The following IZUMO1R variants were observed in gnomAD, a reference collection of about 807,000 sequenced individuals.
The protein encoded by IZUMO1R is IZUMO1 receptor, JUNO.
Under a neutral mutation model 22.1 loss-of-function variants are expected in IZUMO1R, and 24 were observed. The observed-to-expected ratio is 1.09, with a 90% CI of 0.79 to 1.53. The LOEUF is 1.53. Among genes scored for constraint, IZUMO1R ranks in the 40% most tolerant of loss-of-function variants. The pLI is 0.00. For missense variants in IZUMO1R, 308 were observed against 314.9 expected (o/e 0.98, Z 0.17); for synonymous variants, 133 against 121.2 (o/e 1.10, Z -0.64).
At chr11:94,306,166 C>A (rs1361648814) in intron 2 of IZUMO1R, among the ~76,000 whole-genome samples, 2 of 151,922 alleles carry the variant, frequency 1.3e-5, no homozygotes, top group African/African-American at 4.8e-5. Flanking sequence ...CCTATGAGAC[C>A]CTCCCACCCA....
Position 94,307,788 on chromosome 11 carries a change from GCA to G in IZUMO1R, c.*97_*98del. ...TCCTTCCTCAGGCCCTCCCCTAAAA[GCA>G]GTGGCATGGGCTAGGGACTGCAGTC... is the stretch of plus-strand genomic sequence containing the variant. On this transcript the variant is annotated 3_prime_UTR_variant, in exon 5 of 5. Coordinates refer to ENST00000687084, the MANE Select transcript of IZUMO1R (RefSeq NM_001199206.4). The G allele has an allele frequency of 7.6e-7, 1 of 1,324,206 alleles. No homozygotes were observed. The highest frequency in any genetic ancestry group is 1.0e-6 in the Non-Finnish European group (1 of 955,168). 82.0% of individuals were successfully genotyped at this position (1,324,206 alleles called of 1,614,324 possible). A position where few individuals can be genotyped will look rare whatever the true frequency, so the allele number is the denominator to read the frequency against.
rs1363310640 is a variant in IZUMO1R at position 94,307,160 on chromosome 11, C to T, written c.349-5C>T. 2.5e-6 allele frequency: 4 copies of T among 1,590,056 alleles called. No homozygotes were observed. Among genetic ancestry groups the T allele is most frequent in the South Asian group, 2.3e-5 (2 of 87,270 alleles). ...GTTCTAATCTCTGGCTATGACTGCA[C>T]CCAGGTGGCCCCGAGTGGGCAGGGA... On this transcript the variant is annotated splice_polypyrimidine_tract_variant and splice_region_variant and intron_variant, in intron 3 of 4. Transcript: ENST00000687084.
chr11:94,306,825 G>A (rs146101586), intron 3 of IZUMO1R, 103 bp downstream of exon 3: 469 of 1,189,884 alleles, frequency 3.9e-4, no homozygotes, highest in Non-Finnish European at 5.3e-4. Context: ...AACAGGAGGT[G>A]TTATTTCCCT....
Position 94,305,625 on chromosome 11 carries a change from C to A in IZUMO1R, c.-6-6C>A. The A allele has an allele frequency of 1.2e-6, 2 of 1,612,232 alleles. No homozygotes were observed. The highest frequency in any genetic ancestry group is 1.1e-5 in the South Asian group (1 of 90,884). On this transcript the variant is annotated splice_region_variant and splice_polypyrimidine_tract_variant and intron_variant, in intron 1 of 4. Coordinates refer to ENST00000687084, the MANE Select transcript of IZUMO1R (RefSeq NM_001199206.4). ...CATCAAGTGTGCAGCATGGGTCTCTCTGTAGCAGGCCATGGCATGCTGGTG... is the reference window on the plus strand; with the variant it reads ...CATCAAGTGTGCAGCATGGGTCTCTATGTAGCAGGCCATGGCATGCTGGTG...
In IZUMO1R at chr11:94,304,750, T is replaced by G. The variant is rs72976445; in HGVS notation, c.-136T>G. Among the ~76,000 whole-genome samples, 1 of 151,708 alleles carries G rather than the reference T, an allele frequency of 6.6e-6. No individual in the cohort carries two copies. Among genetic ancestry groups the G allele is most frequent in the Non-Finnish European group, 1.5e-5 (1 of 67,874 alleles). On this transcript the variant is annotated 5_prime_UTR_variant, in exon 1 of 5. Transcript: ENST00000687084. ...GCTGTTTAATGAGAGCCACGTGGAG[T>G]TCTCCTCCTGCACCTGGACCTAGTA... is the stretch of plus-strand genomic sequence containing the variant.
At chr11:94,307,135 G>T in intron 3 of IZUMO1R, 30 bp from the exon 4 acceptor site, 1 of 1,573,248 alleles carries the variant, frequency 6.4e-7, no homozygotes, top group African/African-American at 1.3e-5. Flanking sequence ...TGCTATTAAT[G>T]TTCTAATCTC....
chr11:94,307,632 A>T lies in IZUMO1R; in HGVS notation c.693A>T (p.Pro231=), dbSNP rs761048031. Reference sequence around the variant, plus strand: ...CCCGCCTCTTCGCCAGCTCTGCCCCATCCTGGGAACTGTCCTACACCATCA... The same window carrying T: ...CCCGCCTCTTCGCCAGCTCTGCCCCTTCCTGGGAACTGTCCTACACCATCA... ...AVARLFASSA[P]SWELSYTIMV... Residue 231 remains proline (P), a synonymous_variant, in exon 5 of 5, where the codon CCA becomes CCT. Coordinates refer to ENST00000687084, the MANE Select transcript of IZUMO1R (RefSeq NM_001199206.4). The T allele has an allele frequency of 4.8e-5, 78 of 1,613,624 alleles. No individual in the cohort carries two copies. The highest frequency in any genetic ancestry group is 6.4e-5 in the Non-Finnish European group (75 of 1,179,784).
At position 94,307,789 on chromosome 11, in the gene IZUMO1R, C is replaced by G; in HGVS notation, c.*97C>G. On this transcript the variant is annotated 3_prime_UTR_variant, in exon 5 of 5. Coordinates refer to ENST00000687084, the MANE Select transcript of IZUMO1R (RefSeq NM_001199206.4). ...CCTTCCTCAGGCCCTCCCCTAAAAGCAGTGGCATGGGCTAGGGACTGCAGT... is the reference window on the plus strand; with the variant it reads ...CCTTCCTCAGGCCCTCCCCTAAAAGGAGTGGCATGGGCTAGGGACTGCAGT... 7.7e-7 allele frequency: 1 copy of G among 1,291,446 alleles called. No homozygotes were observed. The highest frequency in any genetic ancestry group is 1.5e-5 in the African/African-American group (1 of 65,074). The allele number at this position is 1,291,446 out of a possible 1,614,324, so 80.0% of individuals were successfully genotyped here.
At chr11:94,305,166 G>C (rs886770712) in intron 1 of IZUMO1R, among the ~76,000 whole-genome samples, 1 of 152,082 alleles carries the variant, frequency 6.6e-6, no homozygotes, top group Non-Finnish European at 1.5e-5. Flanking sequence ...GGAGCCATGG[G>C]CTCCTGGGCT....
At chr11:94,306,442 C>T in intron 2 of IZUMO1R, 71 bp from the exon 3 acceptor site, 1 of 1,451,522 alleles carries the variant, frequency 6.9e-7, no homozygotes. Context: ...ATTTCACCAC[C>T]TTTCTTCCCT....
Position 94,305,878 on chromosome 11 carries a change from G to A in IZUMO1R, c.138+104G>A, listed in dbSNP as rs541948365. The A allele has an allele frequency of 1.2e-4, 169 of 1,354,580 alleles. 2 individuals are homozygous for A. The South Asian group carries it at 1.5e-3, about 12-fold the overall frequency. 83.9% of individuals were successfully genotyped at this position (1,354,580 alleles called of 1,614,324 possible). ...TCAACCCTGATCATTTGGTTCCTGG[G>A]GTTAGGAGTTAAGCAAAGGCAACTA... is the stretch of plus-strand genomic sequence containing the variant. On this transcript the variant is annotated intron_variant, in intron 2 of 4. Transcript: ENST00000687084.
rs370423934 is a variant in IZUMO1R at position 94,306,544 on chromosome 11, C to G, written c.170C>G (p.Thr57Ser). The G allele has an allele frequency of 1.2e-6, 2 of 1,613,828 alleles. No homozygotes were observed. The highest frequency in any genetic ancestry group is 2.7e-5 in the African/African-American group (2 of 74,918). ...CCCTGGAAGGACAATGCCTGCTGCACCCTCACGACAAGCTGGGAAGCCCAT... is the reference window on the plus strand; with the variant it reads ...CCCTGGAAGGACAATGCCTGCTGCAGCCTCACGACAAGCTGGGAAGCCCAT... Reference protein sequence around the residue: ...CIPWKDNACCTLTTSWEAHLD... With the variant: ...CIPWKDNACCSLTTSWEAHLD... Residue 57 changes from threonine (T) to serine (S), a missense_variant, in exon 3 of 5, where the codon ACC becomes AGC. Physicochemically the swap from Thr to Ser is moderately conservative, Grantham distance 58 (BLOSUM62 1). Transcript: ENST00000687084.
intron 3 of IZUMO1R, 25 bp from the exon 4 acceptor site, chr11:94,307,140 A>G: frequency 6.3e-7 from 1 of 1,576,960 alleles, no homozygotes; most frequent in South Asian, 1.2e-5. Context: ...TTAATGTTCT[A>G]ATCTCTGGCT....
rs767755368 is a variant in IZUMO1R at position 94,307,516 on chromosome 11, T to A, written c.577T>A (p.Ser193Thr). The A allele has an allele frequency of 1.2e-6, 2 of 1,613,552 alleles. No homozygotes were observed. Among genetic ancestry groups the A allele is most frequent in the South Asian group, 2.2e-5 (2 of 91,086 alleles). ...CCTGTGTGAGAAGACTTGGAGCAAT[T>A]CCTTCAAAGCCAGCCCTGAGCGACG... ...ADLCEKTWSN[S>T]FKASPERRNS... The change falls in exon 5 of 5, where the codon TCC becomes ACC. Residue 193 changes from serine (S) to threonine (T), a missense_variant. Physicochemically the swap from Ser to Thr is moderately conservative, Grantham distance 58. Transcript: ENST00000687084.
chr11:94,305,608 G>A (rs368900381), intron 1 of IZUMO1R, 23 bp from the exon 2 acceptor site: 6 of 1,611,008 alleles, frequency 3.7e-6, no homozygotes, highest in African/African-American at 2.7e-5. Flanking sequence ...TCCATCAAGT[G>A]TGCAGCATGG....
rs1229536891 is a variant in IZUMO1R at position 94,307,642 on chromosome 11, C to T, written c.703C>T (p.Leu235=). 1 of 1,613,894 alleles carries T rather than the reference C, an allele frequency of 6.2e-7. No individual in the cohort carries two copies. Among genetic ancestry groups the T allele is most frequent in the East Asian group, 2.2e-5 (1 of 44,822 alleles). Reference sequence around the variant, plus strand: ...CGCCAGCTCTGCCCCATCCTGGGAACTGTCCTACACCATCATGGTCTGCTC... The same window carrying T: ...CGCCAGCTCTGCCCCATCCTGGGAATTGTCCTACACCATCATGGTCTGCTC... ...LFASSAPSWE[L]SYTIMVCSLF... is the part of the protein sequence containing the mutation. Residue 235 remains leucine (L), a synonymous_variant, in exon 5 of 5, where the codon CTG becomes TTG. Coordinates refer to ENST00000687084, the MANE Select transcript of IZUMO1R (RefSeq NM_001199206.4).
intron 1 of IZUMO1R, 140 bp from the exon 2 acceptor site, chr11:94,305,488 AAAG>A (rs1944005425): frequency 1.1e-6 from 1 of 945,094 alleles, no homozygotes; most frequent in East Asian, 2.5e-5. Context: ...GCTGCCTCCA[AAAG>A]AAGGTCCTAG....
Position 94,306,539 on chromosome 11 carries a change from C to A in IZUMO1R, c.165C>A (p.Cys55Ter). The A allele has an allele frequency of 6.2e-7, 1 of 1,613,938 alleles. No individual in the cohort carries two copies. The highest frequency in any genetic ancestry group is 8.5e-7 in the Non-Finnish European group (1 of 1,179,864). The change falls in exon 3 of 5, where the codon TGC (cysteine) becomes TGA (stop). Residue 55 changes from cysteine to a stop codon, truncating the protein, a stop_gained. Coordinates refer to ENST00000687084, the MANE Select transcript of IZUMO1R (RefSeq NM_001199206.4). LOFTEE classifies it high-confidence loss of function. ...GCATCCCCTGGAAGGACAATGCCTGCTGCACCCTCACGACAAGCTGGGAAG... is the reference window on the plus strand; with the variant it reads ...GCATCCCCTGGAAGGACAATGCCTGATGCACCCTCACGACAAGCTGGGAAG... ...EECIPWKDNA[C>*]CTLTTSWEAH...
chr11:94,307,746 C>T lies in IZUMO1R; in HGVS notation c.*54C>T. 1 of 1,591,082 alleles carries T rather than the reference C, an allele frequency of 6.3e-7. No homozygotes were observed. Among genetic ancestry groups the T allele is most frequent in the Non-Finnish European group, 8.6e-7 (1 of 1,165,126 alleles). On this transcript the variant is annotated 3_prime_UTR_variant, in exon 5 of 5. Coordinates refer to ENST00000687084, the MANE Select transcript of IZUMO1R (RefSeq NM_001199206.4). ...GCATGTCCACCAACTGTGGGTCAGG[C>T]CAGGCCATGGCCTACCTCCTTCCTC...
Sources: allele counts gnomAD v4.1 joint callset (sites outside exome capture counted in the v4.1 genomes callset), GRCh38; gene constraint gnomAD v4.1.1; transcripts MANE v1.5; gene names NCBI Gene and HGNC (gene_info 2026-07-23, HGNC 2026-07-21).